Variants in NTRK1 observed in about 807,000 individuals in gnomAD.
NTRK1 encodes the protein high affinity nerve growth factor receptor.
A neutral mutation model predicts 86.8 loss-of-function variants in NTRK1; 62 were observed. The observed-to-expected ratio is 0.71, with a 90% CI of 0.58 to 0.88. The LOEUF (loss-of-function observed/expected upper bound fraction) is 0.88, where lower values mean the gene tolerates loss of function less well. NTRK1 is among the 40% of genes least tolerant of loss of function. The probability of loss-of-function intolerance (pLI) is 0.00; values close to 1 mark genes in which losing one functional copy is unlikely to be tolerated. For synonymous variants in NTRK1, 469 were observed against 456.6 expected (o/e 1.03, Z -0.35); for missense variants, 967 against 1,078.4 (o/e 0.90, Z 1.45).
chr1:156,879,987 C>T lies in NTRK1; in HGVS notation c.2047-12C>T, dbSNP rs41393450. On this transcript the variant is annotated splice_polypyrimidine_tract_variant and intron_variant, in intron 15 of 16. Coordinates refer to ENST00000524377, the MANE Select transcript of NTRK1 (RefSeq NM_002529.4). ...GCGCCCCTGGAATTGATGCAGTGTC[C>T]GCCCGTGGCAGGTGGGAGGCCGCAC... is the stretch of plus-strand genomic sequence containing the variant. The T allele has an allele frequency of 4.1e-5, 66 of 1,612,290 alleles. No homozygotes were observed. In the South Asian group the frequency reaches 6.4e-4, roughly 16 times the overall value.
At chr1:156,864,598 G>A in intron 2 of NTRK1, 130 bp from the exon 3 acceptor site, 3 of 1,174,860 alleles carry the variant, frequency 2.6e-6, no homozygotes, top group South Asian at 1.3e-5. Context: ...GAGTAGTTGA[G>A]GAAACAATGA....
At chr1:156,817,585 G>A (rs1006847823) in intron 1 of NTRK1, among the ~76,000 whole-genome samples, 2 of 151,600 alleles carry the variant, frequency 1.3e-5, no homozygotes, top group African/African-American at 2.4e-5. Flanking sequence ...AGCTAAGCAG[G>A]TCATCATTAG....
chr1:156,843,056 A>G lies in NTRK1; in HGVS notation c.50+863A>G, dbSNP rs371062475. Reference sequence around the variant, plus strand: ...GACAGAAGCTTCCTTGAGGAACTCAATGCATTCCCGTGGGCTGGCCAGCTC... The same window carrying G: ...GACAGAAGCTTCCTTGAGGAACTCAGTGCATTCCCGTGGGCTGGCCAGCTC... On this transcript the variant is annotated intron_variant, in intron 2 of 16. Coordinates refer to the NTRK1 transcript ENST00000392302. The G allele has an allele frequency of 9.9e-6, 16 of 1,614,054 alleles. No homozygotes were observed. In the African/African-American group the frequency reaches 2.0e-4, roughly 20 times the overall value.
chr1:156,852,899 C>T (rs1051036370), intron 2 of NTRK1, among the ~76,000 whole-genome samples: 3 of 152,142 alleles, frequency 2.0e-5, no homozygotes, highest in Non-Finnish European at 2.9e-5. Context: ...CTCTCCCGCC[C>T]GCCCTGCTGC....
In NTRK1 at chr1:156,846,129, C is replaced by A. The variant is rs12064115; in HGVS notation, c.50+3936C>A. ...TGGGGCACCGTGGGAGCTAGGAGTGCGAGAAGGATGCAACTCAGGGGTGTG... is the reference window on the plus strand; with the variant it reads ...TGGGGCACCGTGGGAGCTAGGAGTGAGAGAAGGATGCAACTCAGGGGTGTG... On this transcript the variant is annotated intron_variant, in intron 2 of 16. Transcript: ENST00000392302. 4.4e-6 allele frequency: 7 copies of A among 1,576,526 alleles called. No individual in the cohort carries two copies. In the East Asian group the frequency reaches 1.3e-4, roughly 30 times the overall value.
At chr1:156,844,385 G>A (rs1160427970) in intron 2 of NTRK1, 25 of 1,570,126 alleles carry the variant, frequency 1.6e-5, no homozygotes, top group Non-Finnish European at 2.2e-5. Flanking sequence ...GAGGGATGCG[G>A]GGGAGGGGCC....
At chr1:156,830,217 A>G (rs1436439113) in intron 1 of NTRK1, among the ~76,000 whole-genome samples, 3 of 152,216 alleles carry the variant, frequency 2.0e-5, no homozygotes, top group African/African-American at 7.2e-5. Flanking sequence ...CACCTTAAAA[A>G]TGGAATCAGT....
At chr1:156,845,157 C>A (rs1272070469) in intron 2 of NTRK1, 1 of 1,611,466 alleles carries the variant, frequency 6.2e-7, no homozygotes, top group African/African-American at 1.3e-5. Context: ...GCATGGATGT[C>A]GATCCGGTAT....
rs547786359 is a variant in NTRK1, at chr1:156,869,919, G to A, written c.717+1272G>A. Among the ~76,000 whole-genome samples, 11 of 152,358 alleles carry A rather than the reference G, an allele frequency of 7.2e-5. No homozygotes were observed. The East Asian group carries it at 1.9e-3, about 27-fold the overall frequency. On this transcript the variant is annotated intron_variant, in intron 6 of 16. Coordinates refer to ENST00000524377, the MANE Select transcript of NTRK1 (RefSeq NM_002529.4). ...GGAATGTGTGCCTGGGGGGCTGGGA[G>A]CATGGTGTTTATTTGGGGAGCCTTC...
At chr1:156,844,460 A>T in intron 2 of NTRK1, 1 of 1,613,056 alleles carries the variant, frequency 6.2e-7, no homozygotes, top group Non-Finnish European at 8.5e-7. Flanking sequence ...GGCTGTGTAT[A>T]CCTGGGCCAA....
intron 11 of NTRK1, 97 bp downstream of exon 11, chr1:156,875,105 T>C (rs1019314381): frequency 1.1e-6 from 1 of 920,436 alleles, no homozygotes; most frequent in African/African-American, 1.6e-5. Flanking sequence ...GCTGTGCACA[T>C]GGGAGTTCCA....
intron 2 of NTRK1, chr1:156,844,497 C>T (rs1654916217): frequency 6.2e-7 from 1 of 1,614,074 alleles, no homozygotes; most frequent in Admixed American, 1.7e-5. Context: ...ACTGTCTGTC[C>T]AAGAGCCATT....
At chr1:156,831,606 G>A (rs182002710) in intron 1 of NTRK1, among the ~76,000 whole-genome samples, 1 of 152,266 alleles carries the variant, frequency 6.6e-6, no homozygotes, top group East Asian at 1.9e-4. Context: ...CCAAGTTCCA[G>A]GACTGCTTGG....
intron 1 of NTRK1, among the ~76,000 whole-genome samples, chr1:156,820,470 C>T (rs1291896732): frequency 2.6e-5 from 4 of 152,206 alleles, no homozygotes; most frequent in African/African-American, 9.7e-5. Flanking sequence ...TGGTCTCGAA[C>T]TCCTGGGCTC....
chr1:156,859,654 T>A (rs1655539676), upstream of NTRK1, among the ~76,000 whole-genome samples: 1 of 152,100 alleles, frequency 6.6e-6, no homozygotes, highest in Non-Finnish European at 1.5e-5. This position sits in a 1 kb window ranked among gnomAD's most constrained non-coding sequence, Gnocchi z 6.2. Flanking sequence ...GATCACTGTG[T>A]AGGGCTCTGC....
intron 2 of NTRK1, chr1:156,843,512 G>A: frequency 6.2e-7 from 1 of 1,607,892 alleles, no homozygotes; most frequent in South Asian, 1.1e-5. Context: ...CAGGCTGGAA[G>A]GGTTCTCAGG....
At chr1:156,834,751 A>G (rs1654554912) in intron 1 of NTRK1, among the ~76,000 whole-genome samples, 1 of 152,046 alleles carries the variant, frequency 6.6e-6, no homozygotes, top group East Asian at 1.9e-4. Flanking sequence ...ACAGAACAAA[A>G]ACTATTCTGG....
At chr1:156,872,381 A>T (rs954976947) in intron 7 of NTRK1, among the ~76,000 whole-genome samples, 1 of 151,950 alleles carries the variant, frequency 6.6e-6, no homozygotes, top group African/African-American at 2.4e-5. Flanking sequence ...TTTAAAAATA[A>T]TTTTTCTCAA....
intron 2 of NTRK1, among the ~76,000 whole-genome samples, chr1:156,847,146 T>C (rs1655042553): frequency 6.6e-6 from 1 of 152,234 alleles, no homozygotes; most frequent in African/African-American, 2.4e-5. Flanking sequence ...AACAGGAGAC[T>C]GCTCCCTTCC....
Sources: gnomAD v4.1 joint callset for allele counts (sites outside exome capture counted in the v4.1 genomes callset) on GRCh38, gnomAD v4.1.1 for gene constraint, Gnocchi (gnomAD v3.1) non-coding constraint, MANE v1.5 for transcripts, NCBI Gene and HGNC (gene_info 2026-07-23, HGNC 2026-07-21) for gene names.